The following FAAH2 variants were observed in gnomAD, a reference collection of about 807,000 sequenced individuals.
FAAH2 encodes the protein fatty acid amide hydrolase 2, also known as fatty-acid amide hydrolase 2.
Under a neutral mutation model 36.9 loss-of-function variants are expected in FAAH2, and 60 were observed. That is an observed-to-expected ratio of 1.63 (90% CI 1.32 to 2.02). The LOEUF (loss-of-function observed/expected upper bound fraction) is 2.02, where lower values mean the gene tolerates loss of function less well. Ranked by LOEUF, FAAH2 falls within the 30% of genes most tolerant of loss-of-function variation. FAAH2 has a pLI of 0.00. For missense variants in FAAH2, 689 were observed against 397.5 expected, an observed-to-expected ratio of 1.73 and a Z score of -6.23; for synonymous variants, 214 against 143.8, an observed-to-expected ratio of 1.49 and a Z score of -3.49.
chrX:57,337,815 G>C (rs2053591055), intron 4 of FAAH2, among the ~76,000 whole-genome samples: 1 of 111,935 alleles, frequency 8.9e-6, no homozygotes, highest in Non-Finnish European at 1.9e-5. Flanking sequence ...ATGGGCAAAA[G>C]CTGGAAGCAT....
the FAAH2 span, among the ~76,000 whole-genome samples, chrX:57,193,504 C>T: frequency 2.7e-5 from 3 of 111,685 alleles, no homozygotes; most frequent in African/African-American, 6.5e-5. Flanking sequence ...GTGACCCACA[C>T]CCTATTTGTA....
At chrX:57,440,301 A>T (rs1288503793) in intron 8 of FAAH2, among the ~76,000 whole-genome samples, 6 of 111,266 alleles carry the variant, frequency 5.4e-5, no homozygotes, top group Admixed American at 1.9e-4. Context: ...TAGTTCTCCT[A>T]GAAGAGGTCC....
chrX:57,344,800 G>A (rs1336162518), intron 5 of FAAH2, among the ~76,000 whole-genome samples: 2 of 111,325 alleles, frequency 1.8e-5, no homozygotes, highest in South Asian at 3.7e-4. Flanking sequence ...ATGAAGGAAT[G>A]TTTGATTTTA....
intron 3 of FAAH2, among the ~76,000 whole-genome samples, chrX:57,319,822 G>A: frequency 9.0e-6 from 1 of 111,665 alleles, no homozygotes. Context: ...CCAAAACAGA[G>A]ATATAGACCA....
intron 7 of FAAH2, among the ~76,000 whole-genome samples, chrX:57,397,387 T>C (rs902857435): frequency 8.9e-6 from 1 of 112,194 alleles, no homozygotes; most frequent in African/African-American, 3.2e-5. Flanking sequence ...ACATGTGACA[T>C]GTGCTTTTAT....
chrX:57,167,107 T>C, the FAAH2 span, among the ~76,000 whole-genome samples: 3 of 111,796 alleles, frequency 2.7e-5, no homozygotes, highest in African/African-American at 9.8e-5. Context: ...TGTCTGGAAG[T>C]CACAGGGCCA....
intron 8 of FAAH2, among the ~76,000 whole-genome samples, chrX:57,432,356 G>A (rs2056322668): frequency 9.0e-6 from 1 of 111,029 alleles, no homozygotes; most frequent in Non-Finnish European, 1.9e-5. Flanking sequence ...AGGCAGAGGG[G>A]AAACCACGGC....
At chrX:57,441,741 C>T (rs773869949) in intron 8 of FAAH2, among the ~76,000 whole-genome samples, 9 of 111,097 alleles carry the variant, frequency 8.1e-5, no homozygotes, top group African/African-American at 2.6e-4. Flanking sequence ...CTCTTGTGGG[C>T]GTTTAGTGCT....
At chrX:57,286,481 A>C (rs2051811260), upstream of FAAH2, among the ~76,000 whole-genome samples, 1 of 111,556 alleles carries the variant, frequency 9.0e-6, no homozygotes, top group Non-Finnish European at 1.9e-5. Flanking sequence ...TCTTATGAGT[A>C]AACTGACTAG....
chrX:57,216,276 T>C, the FAAH2 span, among the ~76,000 whole-genome samples: 1 of 105,147 alleles, frequency 9.5e-6, no homozygotes, highest in Non-Finnish European at 1.9e-5. Context: ...TTTGCCCCTC[T>C]CCCATGCTTC....
chrX:57,201,824 A>T, the FAAH2 span, among the ~76,000 whole-genome samples: 32 of 110,969 alleles, frequency 2.9e-4, no homozygotes, highest in African/African-American at 1.0e-3. Context: ...GGCATGCTTC[A>T]TTGTTTTTCT....
chrX:57,387,507 A>G (rs2055055390), intron 7 of FAAH2, among the ~76,000 whole-genome samples: 1 of 111,558 alleles, frequency 9.0e-6, no homozygotes, highest in African/African-American at 3.3e-5. Flanking sequence ...AGAAAATCCT[A>G]CAAAATGCCT....
At chrX:57,253,004 G>A in the FAAH2 span, among the ~76,000 whole-genome samples, 1 of 111,527 alleles carries the variant, frequency 9.0e-6, no homozygotes. Flanking sequence ...TTGCAAGGAA[G>A]CTAAAAACCT....
chrX:57,328,509 G>A (rs768034413), intron 3 of FAAH2, among the ~76,000 whole-genome samples: 1 of 111,181 alleles, frequency 9.0e-6, no homozygotes, highest in African/African-American at 3.3e-5. Flanking sequence ...ATATTTTCCA[G>A]GATCTCAATG....
rs750305345 is a variant in FAAH2, at chrX:57,363,352, T to G, written c.743-15299T>G. Among the ~76,000 whole-genome samples, 29 of 111,766 alleles carry G rather than the reference T, an allele frequency of 2.6e-4. No homozygotes were observed. In the Admixed American group the frequency reaches 2.7e-3, roughly 10 times the overall value. On this transcript the variant is annotated intron_variant, in intron 5 of 10. Coordinates refer to ENST00000374900, the MANE Select transcript of FAAH2 (RefSeq NM_174912.4). ...TGGCTATCATAAATATATTACATTC[T>G]TCATTTGGCTCTCAGCATGAACATT...
the FAAH2 span, among the ~76,000 whole-genome samples, chrX:57,210,654 G>T: frequency 3.6e-5 from 4 of 112,528 alleles, no homozygotes; most frequent in Non-Finnish European, 7.5e-5. Context: ...CATAACAGAG[G>T]TAAGAGGCTG....
the FAAH2 span, among the ~76,000 whole-genome samples, chrX:57,132,814 C>T: frequency 5.2e-4 from 59 of 112,544 alleles, no homozygotes; most frequent in African/African-American, 1.8e-3. Flanking sequence ...AGCCAAATTG[C>T]ATTTTGAAAC....
chrX:57,374,771 A>C (rs1474415878), intron 5 of FAAH2, among the ~76,000 whole-genome samples: 1 of 111,059 alleles, frequency 9.0e-6, no homozygotes, highest in Admixed American at 9.6e-5. Context: ...GAGAGTGGGC[A>C]TCCTTGTCTT....
At chrX:57,266,620 G>A in the FAAH2 span, among the ~76,000 whole-genome samples, 1 of 112,580 alleles carries the variant, frequency 8.9e-6, no homozygotes, top group Non-Finnish European at 1.9e-5. Flanking sequence ...GTTGACCCAA[G>A]GAGAGTAGGC....
Sources: gnomAD v4.1 joint callset for allele counts (sites outside exome capture counted in the v4.1 genomes callset) on GRCh38, gnomAD v4.1.1 for gene constraint, MANE v1.5 for transcripts, NCBI Gene and HGNC (gene_info 2026-07-23, HGNC 2026-07-21) for gene names.